Variants in FOXP1 observed in about 807,000 individuals in gnomAD.
The protein encoded by FOXP1 is forkhead box protein P1.
A neutral mutation model predicts 98.2 loss-of-function variants in FOXP1; 15 were observed. The observed-to-expected ratio is 0.15, with a 90% confidence interval of 0.10 to 0.24. The LOEUF (loss-of-function observed/expected upper bound fraction) is 0.24. Among genes scored for constraint, FOXP1 ranks in the 10% least tolerant of loss-of-function variants. The probability of loss-of-function intolerance (pLI) is 1.00; values close to 1 mark genes in which losing one functional copy is unlikely to be tolerated. For missense variants in FOXP1, 633 were observed against 848.5 expected (o/e 0.75, Z 3.15); for synonymous variants, 371 against 314.5 (o/e 1.18, Z -1.90).
chr3:71,153,962 T>G (rs1455177098), intron 6 of FOXP1, among the ~76,000 whole-genome samples: 2 of 152,224 alleles, frequency 1.3e-5, no homozygotes, highest in Non-Finnish European at 2.9e-5. Context: ...ATAGTGATTA[T>G]GTACAATTGA....
At chr3:71,465,642 T>C (rs556435931) in intron 3 of FOXP1, among the ~76,000 whole-genome samples, 2 of 152,292 alleles carry the variant, frequency 1.3e-5, no homozygotes, top group South Asian at 2.1e-4. Context: ...GTTTCACTCA[T>C]TGTTGTCTTA....
At chr3:71,283,039 G>A (rs1224027395) in intron 5 of FOXP1, among the ~76,000 whole-genome samples, 3 of 152,192 alleles carry the variant, frequency 2.0e-5, no homozygotes, top group African/African-American at 4.8e-5. Flanking sequence ...TCTCAGGAAT[G>A]GGAAGAACAG....
intron 2 of FOXP1, among the ~76,000 whole-genome samples, chr3:71,530,119 G>A (rs1000702492): frequency 6.6e-6 from 1 of 152,166 alleles, no homozygotes; most frequent in African/African-American, 2.4e-5. Context: ...GAACTGGTTA[G>A]TGCTATGGTT....
At chr3:71,523,733 G>C (rs1212482351) in intron 2 of FOXP1, among the ~76,000 whole-genome samples, 2 of 152,128 alleles carry the variant, frequency 1.3e-5, no homozygotes, top group African/African-American at 4.8e-5. Flanking sequence ...GTAAAAGTGA[G>C]ATAAGGCATG....
rs186364736 is a variant in FOXP1 at position 71,136,229 on chromosome 3, T to A, written c.181-23592A>T. Reference sequence around the variant, plus strand: ...TCACTGGAAATGTGTTATTTTCATATTATTCAAGAAATGAACAAATGTGTT... The same window carrying A: ...TCACTGGAAATGTGTTATTTTCATAATATTCAAGAAATGAACAAATGTGTT... On this transcript the variant is annotated intron_variant, in intron 6 of 20. Transcript: ENST00000649528. Among the ~76,000 whole-genome samples, 232 of 152,364 alleles carry A rather than the reference T, an allele frequency of 1.5e-3. 1 individual carries two copies. Among genetic ancestry groups the A allele is most frequent in the Non-Finnish European group, 1.6e-3 (108 of 68,036 alleles).
At chr3:71,068,256 T>C (rs2107386052) in intron 7 of FOXP1, among the ~76,000 whole-genome samples, 1 of 152,256 alleles carries the variant, frequency 6.6e-6, no homozygotes, top group East Asian at 1.9e-4. Context: ...CACACCAAAC[T>C]CTAACCACCA....
intron 3 of FOXP1, among the ~76,000 whole-genome samples, chr3:71,408,052 G>A (rs1420630518): frequency 6.6e-6 from 1 of 152,096 alleles, no homozygotes; most frequent in South Asian, 2.1e-4. Flanking sequence ...CCCTGCCAAC[G>A]ACTCCCTTCC....
chr3:71,195,412 T>G (rs1462826613), intron 6 of FOXP1, among the ~76,000 whole-genome samples: 1 of 152,210 alleles, frequency 6.6e-6, no homozygotes, highest in Non-Finnish European at 1.5e-5. Flanking sequence ...TCTCCCCGTA[T>G]CCTCAATGAT....
At chr3:71,244,220 C>T (rs537111094) in intron 5 of FOXP1, among the ~76,000 whole-genome samples, 37 of 152,284 alleles carry the variant, frequency 2.4e-4, no homozygotes, top group Non-Finnish European at 3.8e-4. Flanking sequence ...CGAGTCCATT[C>T]TACTAAAGAT....
intron 6 of FOXP1, among the ~76,000 whole-genome samples, chr3:71,133,559 G>A (rs2059673274): frequency 6.6e-6 from 1 of 152,140 alleles, no homozygotes; most frequent in Admixed American, 6.5e-5. Context: ...CCATTGTAGA[G>A]ACCAAGAACA....
intron 5 of FOXP1, among the ~76,000 whole-genome samples, chr3:71,282,014 G>C (rs1456342403): frequency 1.3e-5 from 2 of 152,034 alleles, no homozygotes; most frequent in African/African-American, 2.4e-5. Context: ...AGGCTGAGAG[G>C]GGAAGACTCG....
intron 6 of FOXP1, among the ~76,000 whole-genome samples, chr3:71,174,532 G>T (rs549571509): frequency 6.6e-6 from 1 of 152,212 alleles, no homozygotes; most frequent in South Asian, 2.1e-4. Flanking sequence ...CAGTACCATA[G>T]AAATAAAATT....
At chr3:71,401,770 C>T (rs1292377813) in intron 3 of FOXP1, among the ~76,000 whole-genome samples, 1 of 152,172 alleles carries the variant, frequency 6.6e-6, no homozygotes, top group Non-Finnish European at 1.5e-5. Flanking sequence ...ACGAGGCTCT[C>T]CCCATTCAAT....
intron 11 of FOXP1, among the ~76,000 whole-genome samples, chr3:71,031,490 T>C (rs962475331): frequency 1.3e-5 from 2 of 152,212 alleles, no homozygotes; most frequent in Admixed American, 6.5e-5. Flanking sequence ...TGGTGAATTT[T>C]CCAAAGTGTC....
At chr3:71,186,354 G>A (rs933300720) in intron 6 of FOXP1, among the ~76,000 whole-genome samples, 3 of 152,186 alleles carry the variant, frequency 2.0e-5, no homozygotes, top group Non-Finnish European at 4.4e-5. Flanking sequence ...AGGAACTCTA[G>A]AGGAATGATG....
chr3:71,044,453 G>A (rs2048756945), intron 10 of FOXP1, among the ~76,000 whole-genome samples: 1 of 152,092 alleles, frequency 6.6e-6, no homozygotes, highest in African/African-American at 2.4e-5. Context: ...ATGTAAAACA[G>A]AAAGAAGACC....
intron 3 of FOXP1, among the ~76,000 whole-genome samples, chr3:71,451,471 G>A (rs2086948306): frequency 6.6e-6 from 1 of 151,832 alleles, no homozygotes; most frequent in Non-Finnish European, 1.5e-5. Flanking sequence ...AAAGAGATCT[G>A]GAATAAAAGA....
chr3:71,189,729 C>A (rs1576297204), intron 6 of FOXP1, among the ~76,000 whole-genome samples: 1 of 152,238 alleles, frequency 6.6e-6, no homozygotes, highest in African/African-American at 2.4e-5. Context: ...CTCCCCTCAA[C>A]AATCTCTTCT....
intron 3 of FOXP1, among the ~76,000 whole-genome samples, chr3:71,441,030 A>G (rs2085888005): frequency 6.6e-6 from 1 of 152,226 alleles, no homozygotes; most frequent in South Asian, 2.1e-4. Flanking sequence ...CTATGATAGT[A>G]CTTCAGGTTT....
Sources: gnomAD v4.1 joint callset for allele counts (sites outside exome capture counted in the v4.1 genomes callset) on GRCh38, gnomAD v4.1.1 for gene constraint, MANE v1.5 for transcripts, NCBI Gene and HGNC (gene_info 2026-07-23, HGNC 2026-07-21) for gene names.